SEPTIN3: variants seen among roughly 807,000 people sequenced by gnomAD.
The protein encoded by SEPTIN3 is neuronal-specific septin-3.
A neutral mutation model predicts 45.1 loss-of-function variants in SEPTIN3; 15 were observed. The observed-to-expected ratio is 0.33, with a 90% CI of 0.22 to 0.51. The LOEUF (loss-of-function observed/expected upper bound fraction) is 0.51. Ranked by LOEUF, SEPTIN3 falls within the 20% of genes least tolerant of loss-of-function variation. SEPTIN3 has a pLI of 0.97. For missense variants in SEPTIN3, 289 were observed against 457.2 expected, an observed-to-expected ratio of 0.63 and a Z score of 3.35; for synonymous variants, 148 against 164.8, an observed-to-expected ratio of 0.90 and a Z score of 0.78.
chr22:41,988,127 C>G (rs1365606963), intron 6 of SEPTIN3, among the ~76,000 whole-genome samples: 1 of 151,904 alleles, frequency 6.6e-6, no homozygotes, highest in South Asian at 2.1e-4. Context: ...TCGGAGGGAG[C>G]AGCAAGAAGG....
chr22:41,971,919 G>A lies in SEPTIN3; in HGVS notation c.427G>A (p.Glu143Lys). The A allele has an allele frequency of 2.5e-6, 1 of 399,166 alleles. No homozygotes were observed. Among genetic ancestry groups the A allele is most frequent in the Non-Finnish European group, 4.4e-6 (1 of 226,176 alleles). The allele number at this position is 399,166 out of a possible 1,614,324, so 24.7% of individuals were successfully genotyped here. A position where few individuals can be genotyped will look rare whatever the true frequency, so the allele number is the denominator to read the frequency against. ...PTPGKKAAPH[E>K]GGRVSSPGSP... ...CCCAGGAAAGAAGGCTGCTCCCCAT[G>A]AAGGAGGGAGGGTGTCCTCGCCAGG... is the stretch of plus-strand genomic sequence containing the variant. Residue 143 changes from glutamate (E) to lysine (K), a missense_variant, in exon 2 of 12, where the codon GAA (glutamate) becomes AAA (lysine). Physicochemically the swap from Glu to Lys is moderately conservative, Grantham distance 56. Around this residue, in one of 3 missense-constraint regions of SEPTIN3, gnomAD observed 200 missense variants for 315.1 expected, o/e 0.63. Coordinates refer to ENST00000644076, the MANE Select transcript of SEPTIN3 (RefSeq NM_001363845.2).
At chr22:41,981,864 G>A in intron 3 of SEPTIN3, 28 bp downstream of exon 3, 1 of 1,601,100 alleles carries the variant, frequency 6.2e-7, no homozygotes, top group Non-Finnish European at 8.5e-7. Flanking sequence ...GCTGCTGCAG[G>A]CCTGGTGGCG....
At chr22:41,988,674 A>G (rs1277989111) in intron 6 of SEPTIN3, among the ~76,000 whole-genome samples, 1 of 152,106 alleles carries the variant, frequency 6.6e-6, no homozygotes, top group East Asian at 1.9e-4. Context: ...TGAGTCCCTG[A>G]GATTGCAAAA....
chr22:41,981,530 C>A, intron 2 of SEPTIN3, 115 bp from the exon 3 acceptor site: 1 of 825,472 alleles, frequency 1.2e-6, no homozygotes, highest in South Asian at 1.8e-5. Flanking sequence ...TACTAAGATC[C>A]CTTCCAGGCC....
chr22:41,975,220 C>G (rs1315013352), intron 2 of SEPTIN3, among the ~76,000 whole-genome samples: 1 of 152,136 alleles, frequency 6.6e-6, no homozygotes, highest in Non-Finnish European at 1.5e-5. Flanking sequence ...TGTGACATGC[C>G]TAAAGTCACA....
chr22:41,974,121 G>C (rs573534356), intron 2 of SEPTIN3, among the ~76,000 whole-genome samples: 2 of 145,606 alleles, frequency 1.4e-5, no homozygotes, highest in South Asian at 4.4e-4. Flanking sequence ...ATGATTGTGC[G>C]ACAGAGCAAG....
intron 3 of SEPTIN3, among the ~76,000 whole-genome samples, chr22:41,983,373 A>C (rs73417038): frequency 0.041 from 6,206 of 152,324 alleles, 386 homozygotes; most frequent in African/African-American, 0.13. Flanking sequence ...GAGTGGCACC[A>C]ACCCTCCTAG....
intron 4 of SEPTIN3, among the ~76,000 whole-genome samples, chr22:41,986,864 T>A (rs1198327672): frequency 6.6e-6 from 1 of 151,932 alleles, no homozygotes; most frequent in Non-Finnish European, 1.5e-5. Context: ...TAGTCCTAGC[T>A]ATTGGGGAGG....
rs765624779 is a variant in SEPTIN3, at chr22:41,994,336, C to T, written c.2406C>T (p.Val802=). ...HCEFALLRDF[V]IRTHLQDLKE... ...AGTTTGCCCTGCTTCGAGACTTTGT[C>T]ATCAGGTAAGATGTCTCCCCTCCAG... Residue 802 remains valine, a synonymous_variant, in exon 10 of 12, where the codon GTC becomes GTT. Coordinates refer to ENST00000644076, the MANE Select transcript of SEPTIN3 (RefSeq NM_001363845.2). This position sits in a 1 kb window ranked among gnomAD's most constrained non-coding sequence, Gnocchi z 4.2. 5.0e-6 allele frequency: 8 copies of T among 1,613,910 alleles called. No individual in the cohort carries two copies. In the South Asian group the frequency reaches 6.6e-5, roughly 13 times the overall value.
intron 3 of SEPTIN3, among the ~76,000 whole-genome samples, chr22:41,985,383 G>C (rs2078188678): frequency 6.6e-6 from 1 of 152,200 alleles, no homozygotes; most frequent in Non-Finnish European, 1.5e-5. Flanking sequence ...CACTACACTA[G>C]AAGAAAGAGT....
chr22:41,987,062 T>G, intron 4 of SEPTIN3, 144 bp from the exon 5 acceptor site: 1 of 577,842 alleles, frequency 1.7e-6, no homozygotes, highest in Non-Finnish European at 3.1e-6. Flanking sequence ...AGCCATGATA[T>G]CGAGATGGAA....
chr22:41,990,051 T>G (rs571347117), intron 7 of SEPTIN3, among the ~76,000 whole-genome samples: 1 of 134,714 alleles, frequency 7.4e-6, no homozygotes, highest in East Asian at 2.0e-4. Context: ...CATCTTCTCT[T>G]TGTTTTTTTT....
At chr22:41,971,119 A>T (rs2077954043) in intron 1 of SEPTIN3, among the ~76,000 whole-genome samples, 1 of 152,144 alleles carries the variant, frequency 6.6e-6, no homozygotes, top group African/African-American at 2.4e-5. Flanking sequence ...TGTGACCTCC[A>T]TAGAGCTGTC....
intron 7 of SEPTIN3, among the ~76,000 whole-genome samples, chr22:41,990,238 G>T (rs1346270432): frequency 1.3e-5 from 2 of 151,520 alleles, no homozygotes; most frequent in Non-Finnish European, 2.9e-5. Flanking sequence ...TAGAGATGGG[G>T]TTTCACTGTG....
chr22:41,986,656 C>A (rs918457022), intron 4 of SEPTIN3, among the ~76,000 whole-genome samples: 1 of 152,058 alleles, frequency 6.6e-6, no homozygotes, highest in Admixed American at 6.6e-5. Context: ...CCCGCCACCA[C>A]GCCCGGCTAA....
chr22:41,980,864 C>T (rs190227460), intron 2 of SEPTIN3, among the ~76,000 whole-genome samples: 140 of 152,288 alleles, frequency 9.2e-4, no homozygotes, highest in African/African-American at 3.2e-3. Flanking sequence ...ATCCCCTCCC[C>T]ACTGGTTCCA....
intron 2 of SEPTIN3, among the ~76,000 whole-genome samples, chr22:41,980,129 C>CTTTTTT (rs569424612): frequency 9.7e-6 from 1 of 103,424 alleles, no homozygotes; most frequent in Non-Finnish European, 1.8e-5. Context: ...TGCTCAGTGC[C>CTTTTTT]TTTTTTTTTT....
chr22:41,994,885 G>GTGTC lies in SEPTIN3; in HGVS notation c.2505+174_2505+175insCTGT. On this transcript the variant is annotated intron_variant, in intron 11 of 11. Transcript: ENST00000644076. This position sits in a 1 kb window ranked among gnomAD's most constrained non-coding sequence, Gnocchi z 4.2. ...CTGGTATTTGTGGAGCATCTTGTCTGTGTGTGTGTGTGTGTGTGTGTGTGT... is the reference window on the plus strand; with the variant it reads ...CTGGTATTTGTGGAGCATCTTGTCTGTGTCTGTGTGTGTGTGTGTGTGTGTGTGT... 1 of 264,840 alleles carries GTGTC rather than the reference G, an allele frequency of 3.8e-6. No individual in the cohort carries two copies. 16.4% of individuals were successfully genotyped at this position (264,840 alleles called of 1,614,324 possible). A position where few individuals can be genotyped will look rare whatever the true frequency, so the allele number is the denominator to read the frequency against.
chr22:41,986,145 G>C (rs1569438896), intron 4 of SEPTIN3, 33 bp downstream of exon 4: 1 of 1,607,554 alleles, frequency 6.2e-7, no homozygotes, highest in Non-Finnish European at 8.5e-7. Context: ...TATGGGCTTT[G>C]TTCAGTGAGT....
Sources: gnomAD v4.1 joint callset for allele counts (sites outside exome capture counted in the v4.1 genomes callset) on GRCh38, gnomAD v4.1.1 for gene constraint, gnomAD v4.1.1 regional missense constraint, Gnocchi (gnomAD v3.1) non-coding constraint, MANE v1.5 for transcripts, NCBI Gene and HGNC (gene_info 2026-07-23, HGNC 2026-07-21) for gene names.